The following ULK4 variants were observed in gnomAD, a reference collection of about 807,000 sequenced individuals.
The protein encoded by ULK4 is unc-51 like kinase 4, also known as inactive serine/threonine-protein kinase ULK4.
In ULK4, 133 loss-of-function variants were observed where a neutral mutation model predicts 160.6. That is an observed-to-expected ratio of 0.83 (90% CI 0.72 to 0.96). The LOEUF (loss-of-function observed/expected upper bound fraction) is 0.96, where lower values mean the gene tolerates loss of function less well. Among genes scored for constraint, ULK4 ranks in the 40% least tolerant of loss-of-function variants. The probability of loss-of-function intolerance (pLI) is 0.00; values close to 1 mark genes in which losing one functional copy is unlikely to be tolerated. For synonymous variants in ULK4, 534 were observed against 539.8 expected (o/e 0.99, Z 0.15); for missense variants, 1,580 against 1,499.5 (o/e 1.05, Z -0.89).
At chr3:41,443,923 C>G (rs939508614) in intron 34 of ULK4, among the ~76,000 whole-genome samples, 5 of 151,872 alleles carry the variant, frequency 3.3e-5, no homozygotes, top group African/African-American at 2.4e-5. Context: ...AGAATCTACC[C>G]TAAGAATTGA....
At chr3:41,568,411 C>T (rs143346764) in intron 31 of ULK4, among the ~76,000 whole-genome samples, 265 of 152,332 alleles carry the variant, frequency 1.7e-3, no homozygotes, top group Non-Finnish European at 2.9e-3. Context: ...TAGACTCTGT[C>T]AGCTAAGTTT....
intron 34 of ULK4, among the ~76,000 whole-genome samples, chr3:41,401,181 T>C (rs1020368477): frequency 3.3e-5 from 5 of 152,246 alleles, no homozygotes; most frequent in African/African-American, 1.2e-4. Context: ...AATCGTGCTG[T>C]GGTGGCAAGA....
At chr3:41,843,591 G>A (rs908862415) in intron 17 of ULK4, among the ~76,000 whole-genome samples, 4 of 152,098 alleles carry the variant, frequency 2.6e-5, no homozygotes, top group Admixed American at 6.5e-5. Flanking sequence ...CCTTCCTCCC[G>A]GTGGGTTCCT....
intron 30 of ULK4, among the ~76,000 whole-genome samples, chr3:41,645,471 A>C (rs894767998): frequency 2.0e-5 from 3 of 149,896 alleles, no homozygotes; most frequent in Middle Eastern, 3.2e-3. Context: ...ATTCAGGAGC[A>C]GGTTGTTCAG....
At chr3:41,754,303 A>G in intron 22 of ULK4, 58 bp downstream of exon 22, 1 of 1,561,764 alleles carries the variant, frequency 6.4e-7, no homozygotes, top group Non-Finnish European at 8.6e-7. Context: ...CCCTACAACT[A>G]CTAATACAAC....
chr3:41,931,655 T>A, intron 5 of ULK4, 189 bp downstream of exon 5: 1 of 639,006 alleles, frequency 1.6e-6, no homozygotes, highest in East Asian at 2.7e-5. Flanking sequence ...CCTTACAGAG[T>A]AGATCCACAT....
intron 22 of ULK4, among the ~76,000 whole-genome samples, chr3:41,736,951 T>A (rs1000010012): frequency 1.3e-5 from 2 of 151,952 alleles, no homozygotes; most frequent in Admixed American, 6.5e-5. Flanking sequence ...AAATGGGGAA[T>A]CCTTTCCCCA....
At chr3:41,438,853 T>C (rs1239042452) in intron 34 of ULK4, among the ~76,000 whole-genome samples, 1 of 151,592 alleles carries the variant, frequency 6.6e-6, no homozygotes, top group East Asian at 1.9e-4. Flanking sequence ...AGAAAAACCT[T>C]CCGGGGCACA....
intron 19 of ULK4, among the ~76,000 whole-genome samples, chr3:41,809,176 CA>C (rs533578363): frequency 1.6e-4 from 12 of 75,534 alleles, no homozygotes; most frequent in South Asian, 4.4e-4. Context: ...AAAAAAAAAA[CA>C]AAAAAAAAAA....
At chr3:41,740,664 T>C (rs185161899) in intron 22 of ULK4, among the ~76,000 whole-genome samples, 4 of 152,050 alleles carry the variant, frequency 2.6e-5, no homozygotes, top group South Asian at 4.1e-4. Context: ...GATGATGGTA[T>C]GCAGAAAAAC....
At chr3:41,827,766 A>G (rs1260778620) in intron 18 of ULK4, among the ~76,000 whole-genome samples, 1 of 152,162 alleles carries the variant, frequency 6.6e-6, no homozygotes, top group African/African-American at 2.4e-5. Context: ...TCCAATCAAT[A>G]GAAAAAGAGG....
intron 5 of ULK4, among the ~76,000 whole-genome samples, chr3:41,925,982 A>G (rs1699372025): frequency 6.6e-6 from 1 of 152,206 alleles, no homozygotes; most frequent in Non-Finnish European, 1.5e-5. Context: ...ATCTCCCAGC[A>G]CAGCATTCAA....
At chr3:41,584,047 A>G (rs546409369) in intron 31 of ULK4, among the ~76,000 whole-genome samples, 1 of 152,332 alleles carries the variant, frequency 6.6e-6, no homozygotes, top group South Asian at 2.1e-4. Context: ...TCACTAATTA[A>G]GTGGTTCTCT....
intron 32 of ULK4, among the ~76,000 whole-genome samples, chr3:41,510,347 C>A (rs1295640202): frequency 6.6e-6 from 1 of 152,132 alleles, no homozygotes; most frequent in African/African-American, 2.4e-5. Flanking sequence ...TACTGCTAGT[C>A]CTAAGAAATA....
In ULK4 at chr3:41,906,216, C is replaced by CAAAA. The variant is rs58001920; in HGVS notation, c.1182+1625_1182+1628dup. The stretch of plus-strand genomic sequence containing the variant: ...TGGGCGACAGAGCGAGACTCCGTCT[C>CAAAA]AAAAAAAAAAAAAAAAAAAAAGTTA... On this transcript the variant is annotated intron_variant, in intron 12 of 36. Transcript: ENST00000301831. Among the ~76,000 whole-genome samples the CAAAA allele has an allele frequency of 1.4e-3, 93 of 67,066 alleles. 7 individuals are homozygous for CAAAA. The highest frequency in any genetic ancestry group is 5.2e-3 in the African/African-American group (81 of 15,616). 44.0% of individuals were successfully genotyped at this position (67,066 alleles called of 152,430 possible). A position where few individuals can be genotyped will look rare whatever the true frequency, so the allele number is the denominator to read the frequency against.
At chr3:41,877,684 T>C (rs538874883) in intron 17 of ULK4, among the ~76,000 whole-genome samples, 1 of 152,044 alleles carries the variant, frequency 6.6e-6, no homozygotes, top group East Asian at 1.9e-4. Flanking sequence ...AAAAACGAAT[T>C]TTAAATCTGA....
intron 1 of ULK4, among the ~76,000 whole-genome samples, chr3:41,958,546 A>G (rs1370330152): frequency 7.1e-6 from 1 of 140,946 alleles, no homozygotes; most frequent in Non-Finnish European, 1.5e-5. Context: ...TACTAAAAAT[A>G]CAAAAAAAAA....
At chr3:41,431,371 A>AATAATG in intron 34 of ULK4, among the ~76,000 whole-genome samples, 1 of 144,366 alleles carries the variant, frequency 6.9e-6, no homozygotes, top group South Asian at 2.1e-4. Flanking sequence ...TAATAATAAT[A>AATAATG]ATAATAATAA....
intron 35 of ULK4, among the ~76,000 whole-genome samples, chr3:41,323,390 T>TC (rs1254929325): frequency 2.4e-5 from 1 of 41,364 alleles, no homozygotes; most frequent in East Asian, 9.0e-4. Context: ...TCCTGAACAA[T>TC]AACACACACA....
Sources: allele counts gnomAD v4.1 joint callset (sites outside exome capture counted in the v4.1 genomes callset), GRCh38; gene constraint gnomAD v4.1.1; transcripts MANE v1.5; gene names NCBI Gene and HGNC (gene_info 2026-07-23, HGNC 2026-07-21).